Variants in SUGCT observed in about 807,000 individuals in gnomAD.
The protein encoded by SUGCT is succinyl-CoA:glutarate CoA-transferase.
Under a neutral mutation model 55.0 loss-of-function variants are expected in SUGCT, and 41 were observed. The ratio of observed to expected loss-of-function variants is 0.74; its 90% CI spans 0.58 to 0.97. The LOEUF is 0.97. Among genes scored for constraint, SUGCT ranks in the 50% least tolerant of loss-of-function variants. SUGCT has a pLI of 0.00. For synonymous variants in SUGCT, 187 were observed against 200.4 expected, an observed-to-expected ratio of 0.93 and a Z score of 0.56; for missense variants, 568 against 547.8, an observed-to-expected ratio of 1.04 and a Z score of -0.37.
chr7:40,188,151 T>C (rs1403476530), intron 3 of SUGCT, among the ~76,000 whole-genome samples: 2 of 151,930 alleles, frequency 1.3e-5, no homozygotes, highest in African/African-American at 4.8e-5. Flanking sequence ...CTGCTTTAAA[T>C]GGATGGGCGC....
At chr7:40,600,941 A>G (rs1175384484) in intron 12 of SUGCT, among the ~76,000 whole-genome samples, 2 of 152,176 alleles carry the variant, frequency 1.3e-5, no homozygotes, top group Non-Finnish European at 2.9e-5. Flanking sequence ...CTATGTTCCA[A>G]TAGTTTTTGG....
At chr7:41,026,304 G>T in the SUGCT span, among the ~76,000 whole-genome samples, 1 of 152,136 alleles carries the variant, frequency 6.6e-6, no homozygotes, top group Non-Finnish European at 1.5e-5. Flanking sequence ...TACCTGGTCA[G>T]CGCTGTCCCC....
At chr7:40,583,691 T>C (rs2151716585) in intron 12 of SUGCT, among the ~76,000 whole-genome samples, 1 of 152,328 alleles carries the variant, frequency 6.6e-6, no homozygotes, top group African/African-American at 2.4e-5. Context: ...ATAATAATCC[T>C]GATGGCTTGG....
intron 12 of SUGCT, among the ~76,000 whole-genome samples, chr7:40,734,538 A>G (rs1264593021): frequency 6.6e-6 from 1 of 152,162 alleles, no homozygotes; most frequent in African/African-American, 2.4e-5. Context: ...AGTGTCAAGT[A>G]TGGTCCTCTC....
chr7:40,636,841 G>A (rs1584180438), intron 12 of SUGCT, among the ~76,000 whole-genome samples: 2 of 149,582 alleles, frequency 1.3e-5, no homozygotes, highest in South Asian at 4.2e-4. Flanking sequence ...TGCCTATTTT[G>A]GTCTTAAAAT....
chr7:40,879,613 C>T, the SUGCT span, among the ~76,000 whole-genome samples: 1 of 152,148 alleles, frequency 6.6e-6, no homozygotes, highest in Non-Finnish European at 1.5e-5. Flanking sequence ...TTACATTTCT[C>T]CAGTTTCTTT....
intron 7 of SUGCT, among the ~76,000 whole-genome samples, chr7:40,273,078 A>G (rs1045838410): frequency 2.0e-5 from 3 of 152,184 alleles, no homozygotes; most frequent in Non-Finnish European, 2.9e-5. Flanking sequence ...AAGACATTAA[A>G]TAATTTTAAA....
chr7:40,946,229 A>G, the SUGCT span, among the ~76,000 whole-genome samples: 3 of 152,068 alleles, frequency 2.0e-5, no homozygotes, highest in Non-Finnish European at 4.4e-5. Flanking sequence ...TACCTAGGGA[A>G]AGTACTCTGG....
chr7:40,740,816 T>C (rs934640259), intron 12 of SUGCT, among the ~76,000 whole-genome samples: 2 of 152,036 alleles, frequency 1.3e-5, no homozygotes, highest in South Asian at 2.1e-4. Context: ...AAATATGTCA[T>C]AAAAAGCGAA....
rs1784600257 is a variant in SUGCT at position 40,377,159 on chromosome 7, TTTC to T, written c.816+60307_816+60309del. Among the ~76,000 whole-genome samples, 3 of 15,902 alleles carry T rather than the reference TTTC, an allele frequency of 1.9e-4. 1 individual carries two copies. In the East Asian group the frequency reaches 2.9e-3, roughly 15 times the overall value. The allele number at this position is 15,902 out of a possible 152,430, so 10.4% of individuals were successfully genotyped here. A position where few individuals can be genotyped will look rare whatever the true frequency, so the allele number is the denominator to read the frequency against. On this transcript the variant is annotated intron_variant, in intron 9 of 13. Transcript: ENST00000335693. ...CTTTCTTTCTTTCTTTCTTTCTTTC[TTTC>T]TTTCTTTCTTTCTTTCTTTCTTTCT... is the stretch of plus-strand genomic sequence containing the variant.
At position 40,778,400 on chromosome 7, in the gene SUGCT, G is replaced by A. The variant is rs377414975; in HGVS notation, c.1153+28903G>A. Among the ~76,000 whole-genome samples, 196 of 152,290 alleles carry A rather than the reference G, an allele frequency of 1.3e-3. 7 individuals are homozygous for A. The South Asian group carries it at 0.038, about 30-fold the overall frequency. On this transcript the variant is annotated intron_variant, in intron 13 of 13. Coordinates refer to ENST00000335693, the MANE Select transcript of SUGCT (RefSeq NM_001193313.2). ...GAGCTCACAATAGGATTAAAGTTAT[G>A]TTTAGAAATTAAATATGATATTTAG...
intron 12 of SUGCT, among the ~76,000 whole-genome samples, chr7:40,572,744 C>T (rs753476588): frequency 2.0e-5 from 3 of 152,064 alleles, no homozygotes; most frequent in African/African-American, 2.4e-5. Flanking sequence ...TACCTCGGGT[C>T]GCTGCTGGCT....
intron 8 of SUGCT, among the ~76,000 whole-genome samples, chr7:40,305,542 G>C (rs1794804752): frequency 6.6e-6 from 1 of 152,114 alleles, no homozygotes; most frequent in Non-Finnish European, 1.5e-5. Flanking sequence ...ACTGAGAGAT[G>C]ACATTTCAAA....
At chr7:40,342,801 C>G (rs1797122695) in intron 9 of SUGCT, among the ~76,000 whole-genome samples, 1 of 151,998 alleles carries the variant, frequency 6.6e-6, no homozygotes, top group African/African-American at 2.4e-5. Context: ...TGCCCCCATG[C>G]CTGGCTAATT....
intron 9 of SUGCT, among the ~76,000 whole-genome samples, chr7:40,365,945 C>T (rs1783929072): frequency 5.3e-5 from 8 of 152,094 alleles, no homozygotes. Flanking sequence ...AAAAAGAGCT[C>T]ACATCGCCAA....
chr7:40,238,230 C>A (rs527264222), intron 7 of SUGCT, among the ~76,000 whole-genome samples: 29 of 152,030 alleles, frequency 1.9e-4, no homozygotes, highest in Non-Finnish European at 3.4e-4. Context: ...TTGCTTAAAG[C>A]CTCCCTCAGG....
rs118103521 is a variant in SUGCT at position 40,239,672 on chromosome 7, A to G, written c.576+1946A>G. ...GGTCTAACAGGGATAATCACACAGT[A>G]TATGCTCAACCTTATAATTTCTCAG... On this transcript the variant is annotated intron_variant, in intron 7 of 13. Transcript: ENST00000335693. Among the ~76,000 whole-genome samples the G allele has an allele frequency of 4.6e-5, 7 of 152,328 alleles. No homozygotes were observed. In the East Asian group the frequency reaches 1.2e-3, roughly 25 times the overall value.
chr7:40,162,148 G>T (rs565226232), intron 1 of SUGCT, among the ~76,000 whole-genome samples: 7 of 152,002 alleles, frequency 4.6e-5, no homozygotes, highest in Non-Finnish European at 8.8e-5. Flanking sequence ...CGCCCGCCTC[G>T]GCCTCCCAAA....
intron 9 of SUGCT, among the ~76,000 whole-genome samples, chr7:40,417,041 G>C (rs984965554): frequency 2.0e-5 from 3 of 151,940 alleles, no homozygotes; most frequent in Non-Finnish European, 2.9e-5. Context: ...TCATCATAGA[G>C]TTGCATATAA....
Sources: gnomAD v4.1 joint callset for allele counts (sites outside exome capture counted in the v4.1 genomes callset) on GRCh38, gnomAD v4.1.1 for gene constraint, MANE v1.5 for transcripts, NCBI Gene and HGNC (gene_info 2026-07-23, HGNC 2026-07-21) for gene names.